Variants in OPRM1 observed in about 807,000 individuals in gnomAD.
The protein encoded by OPRM1 is mu-type opioid receptor.
A neutral mutation model predicts 31.8 loss-of-function variants in OPRM1; 27 were observed. The observed-to-expected ratio is 0.85, with a 90% confidence interval of 0.63 to 1.17. The LOEUF (loss-of-function observed/expected upper bound fraction) is 1.17, where lower values mean the gene tolerates loss of function less well. Ranked by LOEUF, OPRM1 falls within the 50% of genes most tolerant of loss-of-function variation. The pLI, the probability that OPRM1 is intolerant of heterozygous loss-of-function variation, is 0.00. For synonymous variants in OPRM1, 196 were observed against 189.9 expected (o/e 1.03, Z -0.26); for missense variants, 536 against 511.1 (o/e 1.05, Z -0.47).
chr6:154,209,560 T>A (rs1406616573), intron 3 of OPRM1, among the ~76,000 whole-genome samples: 1 of 150,460 alleles, frequency 6.6e-6, no homozygotes, highest in Non-Finnish European at 1.5e-5. Flanking sequence ...GGTGGGAGGA[T>A]GACCTGAGCC....
At chr6:154,221,081 G>A (rs367734214) in intron 3 of OPRM1, among the ~76,000 whole-genome samples, 1 of 152,112 alleles carries the variant, frequency 6.6e-6, no homozygotes, top group African/African-American at 2.4e-5. Context: ...TCTCCAAACC[G>A]TTTCCAAATA....
chr6:154,246,743 G>T, exon 4 of OPRM1: 1 of 1,613,712 alleles, frequency 6.2e-7, no homozygotes. Context: ...ATCCTCCTCC[G>T]ACTCATCGTG....
intron 3 of OPRM1, among the ~76,000 whole-genome samples, chr6:154,227,505 G>A (rs1779353531): frequency 6.6e-6 from 1 of 151,998 alleles, no homozygotes; most frequent in Admixed American, 6.6e-5. Context: ...GATCACTTGA[G>A]CCCAAGAGTT....
chr6:154,088,229 A>C (rs1393545473), intron 1 of OPRM1, among the ~76,000 whole-genome samples: 2 of 152,230 alleles, frequency 1.3e-5, no homozygotes, highest in East Asian at 3.8e-4. Flanking sequence ...GTACATACTG[A>C]ATGATTCTAT....
At chr6:154,148,620 C>A (rs970231302) in intron 3 of OPRM1, among the ~76,000 whole-genome samples, 1 of 152,180 alleles carries the variant, frequency 6.6e-6, no homozygotes, top group Non-Finnish European at 1.5e-5. Flanking sequence ...ATATAAAGAT[C>A]AGATCATCAA....
intron 3 of OPRM1, among the ~76,000 whole-genome samples, chr6:154,095,205 C>A (rs182353008): frequency 3.3e-5 from 5 of 152,132 alleles, no homozygotes; most frequent in Non-Finnish European, 7.4e-5. Context: ...ACAGGAGAAT[C>A]GCTTGAACCT....
In OPRM1 at chr6:154,100,132, A is replaced by T; in HGVS notation, c.1164+8660A>T. Among the ~76,000 whole-genome samples, 5 of 30,254 alleles carry T rather than the reference A, an allele frequency of 1.7e-4. 2 individuals are homozygous for T. Among genetic ancestry groups the T allele is most frequent in the African/African-American group, 2.5e-4 (2 of 7,926 alleles). The allele number at this position is 30,254 out of a possible 152,430, so 19.8% of individuals were successfully genotyped here. On this transcript the variant is annotated intron_variant, in intron 3 of 3. Coordinates refer to ENST00000330432, the MANE Select transcript of OPRM1 (RefSeq NM_000914.5). ...ATATTATATATTATCATATTATGAC[A>T]TATAATATATATTATCATATTATGA... is the stretch of plus-strand genomic sequence containing the variant.
intron 1 of OPRM1, among the ~76,000 whole-genome samples, chr6:154,051,547 T>C (rs773690307): frequency 3.3e-5 from 5 of 152,170 alleles, no homozygotes; most frequent in Non-Finnish European, 5.9e-5. Context: ...AGTTACAAAG[T>C]ATTTATGCAA....
At chr6:154,072,871 A>G (rs1186810016) in intron 1 of OPRM1, among the ~76,000 whole-genome samples, 1 of 152,210 alleles carries the variant, frequency 6.6e-6, no homozygotes, top group African/African-American at 2.4e-5. Flanking sequence ...TGCCTGCTTG[A>G]ACCACTGGTG....
intron 3 of OPRM1, among the ~76,000 whole-genome samples, chr6:154,240,130 G>A (rs1051223501): frequency 6.6e-6 from 1 of 152,062 alleles, no homozygotes. Context: ...TAGAAGTCTG[G>A]GAACACATCA....
intron 3 of OPRM1, among the ~76,000 whole-genome samples, chr6:154,138,143 C>A (rs1583647401): frequency 6.6e-6 from 1 of 152,108 alleles, no homozygotes; most frequent in East Asian, 1.9e-4. Flanking sequence ...ACTCCTTCGA[C>A]TTACTAGCAT....
At chr6:154,143,931 CGAAAGA>C (rs1798289539) in intron 3 of OPRM1, among the ~76,000 whole-genome samples, 1 of 151,616 alleles carries the variant, frequency 6.6e-6, no homozygotes. Context: ...CAAGACTGAC[CGAAAGA>C]GAAAGAGAGA....
upstream of OPRM1, chr6:154,039,059 C>G (rs1779504348): frequency 2.2e-6 from 3 of 1,359,240 alleles, no homozygotes; most frequent in Non-Finnish European, 9.8e-7. Context: ...GAAAAAGGCG[C>G]TGGAAAATTG....
chr6:154,137,800 A>C (rs1341820120), intron 3 of OPRM1, among the ~76,000 whole-genome samples: 1 of 152,234 alleles, frequency 6.6e-6, no homozygotes, highest in Non-Finnish European at 1.5e-5. Flanking sequence ...ATGAAATCGA[A>C]ATCAATGGAT....
intron 3 of OPRM1, among the ~76,000 whole-genome samples, chr6:154,117,559 A>G (rs1384021950): frequency 6.6e-6 from 1 of 152,186 alleles, no homozygotes; most frequent in Non-Finnish European, 1.5e-5. Context: ...CCAGAGCTTA[A>G]GTCTCAGCAC....
At chr6:154,086,262 T>C (rs1403214972) in intron 1 of OPRM1, among the ~76,000 whole-genome samples, 1 of 152,220 alleles carries the variant, frequency 6.6e-6, no homozygotes, top group Non-Finnish European at 1.5e-5. Context: ...TAGAAGATCG[T>C]TGAGCCCCCT....
intron 1 of OPRM1, among the ~76,000 whole-genome samples, chr6:154,050,153 A>G (rs1271475573): frequency 6.6e-6 from 1 of 152,132 alleles, no homozygotes. Flanking sequence ...TTACTGGAAG[A>G]CTTTTTATTA....
rs555807701 is a variant in OPRM1 at position 154,124,568 on chromosome 6, G to A, written c.*5847G>A. Among the ~76,000 whole-genome samples, 9 of 152,274 alleles carry A rather than the reference G, an allele frequency of 5.9e-5. No individual in the cohort carries two copies. In the South Asian group the frequency reaches 1.5e-3, roughly 25 times the overall value. Reference sequence around the variant, plus strand: ...TCTGACCTCCTGTGACACATGGGGTGAGCCCTTCCTTTTTGTCTCAATCTC... The same window carrying A: ...TCTGACCTCCTGTGACACATGGGGTAAGCCCTTCCTTTTTGTCTCAATCTC... On this transcript the variant is annotated 3_prime_UTR_variant, in exon 4 of 4. Coordinates refer to ENST00000330432, the MANE Select transcript of OPRM1 (RefSeq NM_000914.5).
intron 3 of OPRM1, among the ~76,000 whole-genome samples, chr6:154,209,677 T>C (rs1022856180): frequency 6.6e-6 from 1 of 152,018 alleles, no homozygotes; most frequent in Non-Finnish European, 1.5e-5. Context: ...TATATATTTT[T>C]TTTATTTCAT....
Sources: gnomAD v4.1 joint callset for allele counts (sites outside exome capture counted in the v4.1 genomes callset) on GRCh38, gnomAD v4.1.1 for gene constraint, MANE v1.5 for transcripts, NCBI Gene and HGNC (gene_info 2026-07-23, HGNC 2026-07-21) for gene names.